FES: variants seen among roughly 807,000 people sequenced by gnomAD.
FES encodes the protein FES proto-oncogene, tyrosine kinase.
FES carries 83 observed loss-of-function variants against 109.6 expected under a neutral mutation model. The observed-to-expected ratio is 0.76, with a 90% confidence interval of 0.63 to 0.91. The LOEUF is 0.91. Ranked by LOEUF, FES falls within the 40% of genes least tolerant of loss-of-function variation. The pLI, the probability that FES is intolerant of heterozygous loss-of-function variation, is 0.00. For missense variants in FES, 943 were observed against 1,070.9 expected (o/e 0.88, Z 1.67); for synonymous variants, 458 against 442.1 (o/e 1.04, Z -0.45).
chr15:90,892,099 G>A lies in FES; in HGVS notation c.1695G>A (p.Glu565=). The change falls in exon 13 of 19, where the codon GAG becomes GAA. Residue 565 remains glutamate (E), a synonymous_variant. Transcript: ENST00000328850. ...VLNHEDLVLG[E]QIGRGNFGEV... is the part of the protein sequence containing the mutation. ...ACCATGAGGACCTGGTGTTGGGTGAGCAGATTGGACGGGTGAGTGCGCCTC... is the reference window on the plus strand; with the variant it reads ...ACCATGAGGACCTGGTGTTGGGTGAACAGATTGGACGGGTGAGTGCGCCTC... 1 of 1,614,088 alleles carries A rather than the reference G, an allele frequency of 6.2e-7. No individual in the cohort carries two copies. Among genetic ancestry groups the A allele is most frequent in the Non-Finnish European group, 8.5e-7 (1 of 1,179,976 alleles).
Position 90,892,797 on chromosome 15 carries a change from C to T in FES, c.1798C>T (p.Leu600Phe). 2 of 1,613,800 alleles carry T rather than the reference C, an allele frequency of 1.2e-6. No homozygotes were observed. The highest frequency in any genetic ancestry group is 2.2e-5 in the South Asian group (2 of 91,078). Residue 600 changes from leucine to phenylalanine, a missense_variant, in exon 14 of 19, where the codon CTC becomes TTC. Transcript: ENST00000328850. Reference sequence around the variant, plus strand: ...TTGTCGAGAGACGCTCCCACCTGACCTCAAGGCCAAGTTTCTACAGGAAGC... The same window carrying T: ...TTGTCGAGAGACGCTCCCACCTGACTTCAAGGCCAAGTTTCTACAGGAAGC... ...KSCRETLPPDLKAKFLQEARI... is the reference protein window; with the variant it reads ...KSCRETLPPDFKAKFLQEARI...
At chr15:90,885,834 A>C (rs2151243469) in intron 3 of FES, among the ~76,000 whole-genome samples, 1 of 152,294 alleles carries the variant, frequency 6.6e-6, no homozygotes, top group South Asian at 2.1e-4. Flanking sequence ...GTGACCGGTC[A>C]CGTGCCTGGG....
intron 10 of FES, 103 bp downstream of exon 10, chr15:90,890,587 T>A: frequency 9.6e-7 from 1 of 1,037,724 alleles, no homozygotes; most frequent in Non-Finnish European, 1.4e-6. Context: ...TATTGGGAAG[T>A]TCCTCTCTTC....
Position 90,889,400 on chromosome 15 carries a change from A to G in FES, c.763A>G (p.Ile255Val), listed in dbSNP as rs1388358963. The G allele has an allele frequency of 1.2e-6, 2 of 1,614,082 alleles. No homozygotes were observed. The highest frequency in any genetic ancestry group is 1.1e-5 in the South Asian group (1 of 91,072). The change falls in exon 6 of 19, where the codon ATC becomes GTC. Residue 255 changes from isoleucine to valine, a missense_variant. Physicochemically the swap from Ile to Val is conservative, Grantham distance 29. Transcript: ENST00000328850. This position sits in a 1 kb window ranked among gnomAD's most constrained non-coding sequence, Gnocchi z 6.1. ...HREMAAAAAR[I>V]QPEAEYQGFL... ...GGAGATGGCTGCAGCTGCTGCCCGC[A>G]TCCAGCCTGAGGCTGAGTACCAAGG...
At chr15:90,887,880 G>A (rs1364466997) in intron 5 of FES, among the ~76,000 whole-genome samples, 1 of 152,178 alleles carries the variant, frequency 6.6e-6, no homozygotes, top group Non-Finnish European at 1.5e-5. Context: ...ATTCCAGAAA[G>A]GAGGACAGCA....
rs537856406 is a variant in FES, at chr15:90,890,259, G to A, written c.1217G>A (p.Arg406His). The A allele has an allele frequency of 4.1e-5, 65 of 1,593,046 alleles. No individual in the cohort carries two copies. Among genetic ancestry groups the A allele is most frequent in the South Asian group, 1.3e-4 (12 of 90,706 alleles). The change falls in exon 9 of 19, where the codon CGC becomes CAC. Residue 406 changes from arginine to histidine, a missense_variant. Transcript: ENST00000328850. ...CCTGTGCTGCTCCTGCAGGATGACC[G>A]CCACTCCACGTCGTCCTCGGTGAGC... ...PPPVLLLQDD[R>H]HSTSSSEQER...
Position 90,887,025 on chromosome 15 carries a change from A to C in FES, c.452A>C (p.Gln151Pro). 1 of 1,614,182 alleles carries C rather than the reference A, an allele frequency of 6.2e-7. No homozygotes were observed. Among genetic ancestry groups the C allele is most frequent in the South Asian group, 1.1e-5 (1 of 91,090 alleles). The change falls in exon 4 of 19, where the codon CAA (glutamine) becomes CCA (proline). Residue 151 changes from glutamine to proline, a missense_variant. Gln to Pro is a moderately conservative substitution (Grantham distance 76). Coordinates refer to ENST00000328850, the MANE Select transcript of FES (RefSeq NM_002005.4). ...CGAGCTCTGGCACGGGACAGTGCCC[A>C]AGCCAAGCGCAAGTACCAGGAGGCC... Reference protein sequence around the residue: ...QYRALARDSAQAKRKYQEASK... With the variant: ...QYRALARDSAPAKRKYQEASK...
Position 90,895,511 on chromosome 15 carries a change from A to G in FES, c.2422A>G (p.Ser808Gly). The G allele has an allele frequency of 6.2e-7, 1 of 1,600,124 alleles. No individual in the cohort carries two copies. Among genetic ancestry groups the G allele is most frequent in the East Asian group, 2.3e-5 (1 of 43,948 alleles). ...AYEPGQRPSFSTIYQELQSIR... is the reference protein window; with the variant it reads ...AYEPGQRPSFGTIYQELQSIR... ...TGAGCCTGGGCAGCGGCCCAGCTTC[A>G]GCACCATCTACCAGGAGCTGCAGAG... The change falls in exon 19 of 19, where the codon AGC (serine) becomes GGC (glycine). Residue 808 changes from serine to glycine, a missense_variant. Ser to Gly is a moderately conservative substitution (Grantham distance 56). Transcript: ENST00000328850.
Position 90,889,298 on chromosome 15 carries a change from G to A in FES, c.669-8G>A. On this transcript the variant is annotated splice_region_variant and splice_polypyrimidine_tract_variant and intron_variant, in intron 5 of 18. Coordinates refer to ENST00000328850, the MANE Select transcript of FES (RefSeq NM_002005.4). This position sits in a 1 kb window ranked among gnomAD's most constrained non-coding sequence, Gnocchi z 6.1. ...CTCCCCTGACTGGGGATCCCGTCTC[G>A]GGGGCAGGAAGGAGATCCTGCAGGA... is the stretch of plus-strand genomic sequence containing the variant. 2 of 1,612,066 alleles carry A rather than the reference G, an allele frequency of 1.2e-6. No individual in the cohort carries two copies. The highest frequency in any genetic ancestry group is 1.7e-6 in the Non-Finnish European group (2 of 1,179,674).
At chr15:90,887,769 T>TGTCTATGGATCACCA (rs1476341058) in intron 5 of FES, among the ~76,000 whole-genome samples, 1 of 152,200 alleles carries the variant, frequency 6.6e-6, no homozygotes, top group Non-Finnish European at 1.5e-5. Flanking sequence ...AGGTGACAGT[T>TGTCTATGGATCACCA]GTCCATAGAG....
intron 12 of FES, 102 bp from the exon 13 acceptor site, chr15:90,891,941 CGTGGTCCCACCCCTG>C (rs146988155): frequency 0.052 from 66,667 of 1,287,926 alleles, 6,961 homozygotes; most frequent in East Asian, 0.39. Flanking sequence ...GTGCTCCCCA[CGTGGTCCCACCCCTG>C]GTCACATATG....
In FES at chr15:90,885,181, G is replaced by C. The variant is rs368643135; in HGVS notation, c.136G>C (p.Gly46Arg). 2.0e-5 allele frequency: 33 copies of C among 1,613,786 alleles called. No homozygotes were observed. The highest frequency in any genetic ancestry group is 2.1e-5 in the Non-Finnish European group (25 of 1,180,046). The change falls in exon 2 of 19, where the codon GGA (glycine) becomes CGA (arginine). Residue 46 changes from glycine to arginine, a missense_variant. Transcript: ENST00000328850. ...QRVKSDREYA[G>R]LLHHMSLQDS... ...GGTCAAGAGTGACAGGGAGTATGCA[G>C]GACTGCTTCACCACATGTCCCTGCA...
In FES at chr15:90,887,369, C is replaced by T. The variant is rs150679526; in HGVS notation, c.667C>T (p.Leu223=). The change falls in exon 5 of 19, where the codon CTG becomes TTG. Residue 223 remains leucine (L), a splice_region_variant and synonymous_variant. Transcript: ENST00000328850. ...QDLHEEMACI[L]KEILQEYLEI... is the part of the protein sequence containing the mutation. ...CCTGCACGAGGAGATGGCTTGCATC[C>T]TGTAAGCCCGCAGCCCCGTCCCCTG... 1 of 1,607,400 alleles carries T rather than the reference C, an allele frequency of 6.2e-7. No homozygotes were observed. The highest frequency in any genetic ancestry group is 1.3e-5 in the African/African-American group (1 of 74,832).
At position 90,895,656 on chromosome 15, in the gene FES, A is replaced by C. The variant is rs757749462; in HGVS notation, c.*98A>C. The C allele has an allele frequency of 5.3e-6, 6 of 1,128,538 alleles. No individual in the cohort carries two copies. Among genetic ancestry groups the C allele is most frequent in the Admixed American group, 3.1e-5 (1 of 32,512 alleles). The allele number at this position is 1,128,538 out of a possible 1,614,324, so 69.9% of individuals were successfully genotyped here. On this transcript the variant is annotated 3_prime_UTR_variant, in exon 19 of 19. Coordinates refer to ENST00000328850, the MANE Select transcript of FES (RefSeq NM_002005.4). ...TGCTGACAGCTCTTCACAGTCCTGG[A>C]CTCCTGCCACCAGCATCCACACTGC...
intron 17 of FES, 22 bp downstream of exon 17, chr15:90,893,833 T>G (rs1596116484): frequency 6.3e-7 from 1 of 1,596,020 alleles, no homozygotes; most frequent in East Asian, 2.2e-5. Context: ...CTGTCTACCC[T>G]GGACTCCATG....
In FES at chr15:90,893,383, G is replaced by A. The variant is rs1177980562; in HGVS notation, c.2014G>A (p.Glu672Lys). The change falls in exon 16 of 19, where the codon GAG becomes AAG. Residue 672 changes from glutamate to lysine, a missense_variant. Coordinates refer to ENST00000328850, the MANE Select transcript of FES (RefSeq NM_002005.4). ...QMVGDAAAGM[E>K]YLESKCCIHR... ...GGTGGGGGATGCAGCTGCTGGCATG[G>A]AGTACCTGGAGAGCAAGTGCTGCAT... 6.4e-7 allele frequency: 1 copy of A among 1,558,506 alleles called. No homozygotes were observed. Among genetic ancestry groups the A allele is most frequent in the African/African-American group, 1.4e-5 (1 of 73,214 alleles).
rs752463620 is a variant in FES at position 90,889,546 on chromosome 15, C to T, written c.836C>T (p.Thr279Met). ...GCACCTGACGTCCCACCCTGTGTCA[C>T]GTTCGATGAGTCACTGCTTGAGGAG... ...GSAPDVPPCVTFDESLLEEGE... is the reference protein window; with the variant it reads ...GSAPDVPPCVMFDESLLEEGE... Residue 279 changes from threonine to methionine, a missense_variant, in exon 7 of 19, where the codon ACG (threonine) becomes ATG (methionine). Transcript: ENST00000328850. The surrounding 1 kb of genome is among the most constrained non-coding windows in gnomAD (Gnocchi z 6.1). 33 of 1,613,740 alleles carry T rather than the reference C, an allele frequency of 2.0e-5. No homozygotes were observed. Among genetic ancestry groups the T allele is most frequent in the South Asian group, 3.3e-5 (3 of 91,086 alleles).
At chr15:90,884,721 C>A in intron 1 of FES, 177 bp downstream of exon 1, 1 of 226,892 alleles carries the variant, frequency 4.4e-6, no homozygotes, top group Non-Finnish European at 8.7e-6. Context: ...TCAGCTGGGG[C>A]AGGCTTGGCC....
In FES at chr15:90,893,789, C is replaced by G. The variant is rs139396266; in HGVS notation, c.2181C>G (p.Thr727=). 5.0e-6 allele frequency: 8 copies of G among 1,599,846 alleles called. No homozygotes were observed. In the East Asian group the frequency reaches 1.8e-4, roughly 36 times the overall value. Reference sequence around the variant, plus strand: ...TCAGACAAGTCCCCGTGAAGTGGACCGCACCTGAGGCCCTTAACTACGGTA... The same window carrying G: ...TCAGACAAGTCCCCGTGAAGTGGACGGCACCTGAGGCCCTTAACTACGGTA... ...GGLRQVPVKW[T]APEALNYGRY... is the part of the protein sequence containing the mutation. The change falls in exon 17 of 19, where the codon ACC becomes ACG. Residue 727 remains threonine (T), a synonymous_variant. Coordinates refer to ENST00000328850, the MANE Select transcript of FES (RefSeq NM_002005.4).
Sources: gnomAD v4.1 joint callset for allele counts (sites outside exome capture counted in the v4.1 genomes callset) on GRCh38, gnomAD v4.1.1 for gene constraint, Gnocchi (gnomAD v3.1) non-coding constraint, MANE v1.5 for transcripts, NCBI Gene and HGNC (gene_info 2026-07-23, HGNC 2026-07-21) for gene names.